Variants in RALGPS2 observed in about 807,000 individuals in gnomAD.
The protein encoded by RALGPS2 is Ral GEF with PH domain and SH3 binding motif 2, also known as ras-specific guanine nucleotide-releasing factor RalGPS2.
A neutral mutation model predicts 86.8 loss-of-function variants in RALGPS2; 43 were observed. The observed-to-expected ratio is 0.50, with a 90% CI of 0.39 to 0.64. The LOEUF (loss-of-function observed/expected upper bound fraction) is 0.64, where lower values mean the gene tolerates loss of function less well. Ranked by LOEUF, RALGPS2 falls within the 30% of genes least tolerant of loss-of-function variation. The pLI, the probability that RALGPS2 is intolerant of heterozygous loss-of-function variation, is 0.00. For synonymous variants in RALGPS2, 243 were observed against 231.3 expected (o/e 1.05, Z -0.46); for missense variants, 536 against 694.6 (o/e 0.77, Z 2.57).
intron 18 of RALGPS2, among the ~76,000 whole-genome samples, chr1:178,902,895 G>A (rs757778333): frequency 3.3e-5 from 5 of 152,072 alleles, no homozygotes; most frequent in Admixed American, 6.6e-5. Context: ...TTTACATACA[G>A]TATATAGAGA....
intron 8 of RALGPS2, among the ~76,000 whole-genome samples, chr1:178,835,859 T>C (rs971666925): frequency 6.6e-6 from 1 of 152,266 alleles, no homozygotes; most frequent in African/African-American, 2.4e-5. Context: ...TTTTAAAATT[T>C]ACCAATTTTA....
chr1:178,882,751 A>G (rs1018995421), intron 10 of RALGPS2, among the ~76,000 whole-genome samples: 63 of 152,200 alleles, frequency 4.1e-4, no homozygotes, highest in African/African-American at 1.5e-3. Flanking sequence ...TGAAACTCAG[A>G]ACTGGATATA....
At chr1:178,871,639 A>G (rs1658765702) in intron 8 of RALGPS2, among the ~76,000 whole-genome samples, 1 of 152,234 alleles carries the variant, frequency 6.6e-6, no homozygotes, top group South Asian at 2.1e-4. Context: ...ATTACCAAAC[A>G]TAAGTGAAAT....
At chr1:178,762,956 G>A (rs1021825194) in intron 1 of RALGPS2, among the ~76,000 whole-genome samples, 1 of 152,010 alleles carries the variant, frequency 6.6e-6, no homozygotes, top group Non-Finnish European at 1.5e-5. Context: ...TATCATTCCA[G>A]GGTTTTTATA....
chr1:178,848,607 G>T (rs1182453277), intron 8 of RALGPS2, among the ~76,000 whole-genome samples: 2 of 152,136 alleles, frequency 1.3e-5, no homozygotes, highest in Non-Finnish European at 2.9e-5. Context: ...TGTTAGATTT[G>T]CAAGTGAAGA....
chr1:178,903,001 GTTC>G (rs1212201420), intron 18 of RALGPS2, among the ~76,000 whole-genome samples: 1 of 152,072 alleles, frequency 6.6e-6, no homozygotes, highest in Non-Finnish European at 1.5e-5. Context: ...CACATCATAT[GTTC>G]TTCTTACTCT....
At chr1:178,732,479 T>C (rs1002468707) in intron 1 of RALGPS2, among the ~76,000 whole-genome samples, 1 of 151,978 alleles carries the variant, frequency 6.6e-6, no homozygotes, top group African/African-American at 2.4e-5. Flanking sequence ...TTTGTTTTTT[T>C]AGTAGAGACA....
At chr1:178,788,946 G>A (rs1653824362) in intron 4 of RALGPS2, among the ~76,000 whole-genome samples, 1 of 146,888 alleles carries the variant, frequency 6.8e-6, no homozygotes, top group South Asian at 2.1e-4. Context: ...CTGTCACCCA[G>A]GCTGGAATGC....
chr1:178,903,744 T>A (rs147324434), intron 18 of RALGPS2, among the ~76,000 whole-genome samples: 42 of 152,336 alleles, frequency 2.8e-4, no homozygotes, highest in Non-Finnish European at 5.6e-4. Context: ...CTTTATCCAC[T>A]CGTTGATTGA....
chr1:178,843,699 C>T (rs1572390902), intron 8 of RALGPS2, among the ~76,000 whole-genome samples: 1 of 141,198 alleles, frequency 7.1e-6, no homozygotes, highest in African/African-American at 2.6e-5. Flanking sequence ...GAAAAAAAAA[C>T]AGAAGGAAAT....
At chr1:178,854,594 G>C (rs1657405487) in intron 8 of RALGPS2, among the ~76,000 whole-genome samples, 1 of 152,028 alleles carries the variant, frequency 6.6e-6, no homozygotes, top group Admixed American at 6.6e-5. Flanking sequence ...ATGACTAATA[G>C]TAATTTTCTC....
At chr1:178,896,855 C>G (rs1450135145) in intron 16 of RALGPS2, among the ~76,000 whole-genome samples, 1 of 150,128 alleles carries the variant, frequency 6.7e-6, no homozygotes, top group East Asian at 1.9e-4. Context: ...TTAATCCAGT[C>G]TATCATTGTT....
Position 178,811,398 on chromosome 1 carries a change from T to G in RALGPS2, c.381T>G (p.Thr127=). 1 of 1,534,586 alleles carries G rather than the reference T, an allele frequency of 6.5e-7. No individual in the cohort carries two copies. Among genetic ancestry groups the G allele is most frequent in the Non-Finnish European group, 8.7e-7 (1 of 1,149,636 alleles). Residue 127 remains threonine (T), a synonymous_variant, in exon 6 of 20, where the codon ACT becomes ACG. Coordinates refer to ENST00000367635, the MANE Select transcript of RALGPS2 (RefSeq NM_152663.5). The part of the protein sequence containing the change: ...RAEVLSHYIK[T]AKKLYELNNL... ...AAGTTTTGAGCCACTATATTAAAAC[T>G]GCTAAGGTAAGAAAAACTTGTGTTT...
At chr1:178,765,673 G>A (rs984529293) in intron 1 of RALGPS2, among the ~76,000 whole-genome samples, 9 of 152,134 alleles carry the variant, frequency 5.9e-5, no homozygotes, top group African/African-American at 1.4e-4. Flanking sequence ...GCCTGAGAGC[G>A]CTATGGGAGA....
At chr1:178,767,821 C>T (rs893083914) in intron 1 of RALGPS2, among the ~76,000 whole-genome samples, 2 of 152,190 alleles carry the variant, frequency 1.3e-5, no homozygotes, top group Non-Finnish European at 2.9e-5. Flanking sequence ...GAAGCTGTAG[C>T]AGGTGCAGCT....
chr1:178,879,992 T>C (rs1446153143), intron 10 of RALGPS2, among the ~76,000 whole-genome samples: 2 of 152,126 alleles, frequency 1.3e-5, no homozygotes, highest in African/African-American at 4.8e-5. Context: ...CTTATTTCTC[T>C]TGAAGCTTCA....
rs186858628 is a variant in RALGPS2 at position 178,878,574 on chromosome 1, T to C, written c.746-328T>C. Among the ~76,000 whole-genome samples the C allele has an allele frequency of 3.1e-3, 473 of 152,272 alleles. 1 individual carries two copies. Among genetic ancestry groups the C allele is most frequent in the Non-Finnish European group, 5.3e-3 (358 of 67,972 alleles). ...CACATTTATAAATGGGAACCAGGTT[T>C]CTTTAAAAGAAAAGTAACTGCCTTC... is the stretch of plus-strand genomic sequence containing the variant. On this transcript the variant is annotated intron_variant, in intron 9 of 19. Transcript: ENST00000367635.
At chr1:178,834,768 G>GT (rs913602932) in intron 8 of RALGPS2, among the ~76,000 whole-genome samples, 8 of 152,080 alleles carry the variant, frequency 5.3e-5, no homozygotes, top group African/African-American at 1.9e-4. Flanking sequence ...TGCTGTCATT[G>GT]TTTGTTTTGT....
At chr1:178,786,723 A>G (rs1039379283) in intron 4 of RALGPS2, among the ~76,000 whole-genome samples, 1 of 151,970 alleles carries the variant, frequency 6.6e-6, no homozygotes, top group Non-Finnish European at 1.5e-5. Context: ...TAATCCTGAA[A>G]TTCAATACTA....
Sources: gnomAD v4.1 joint callset for allele counts (sites outside exome capture counted in the v4.1 genomes callset) on GRCh38, gnomAD v4.1.1 for gene constraint, MANE v1.5 for transcripts, NCBI Gene and HGNC (gene_info 2026-07-23, HGNC 2026-07-21) for gene names.